The following DNAJC6 variants were observed in gnomAD, a reference collection of about 807,000 sequenced individuals.
DNAJC6 encodes the protein DnaJ heat shock protein family (Hsp40) member C6.
A neutral mutation model predicts 110.0 loss-of-function variants in DNAJC6; 34 were observed. That is an observed-to-expected ratio of 0.31 (90% CI 0.24 to 0.41). DNAJC6 has a LOEUF of 0.41. Ranked by LOEUF, DNAJC6 falls within the 10% of genes least tolerant of loss-of-function variation. DNAJC6 has a pLI of 1.00. For missense variants in DNAJC6, 1,031 were observed against 1,207.8 expected (o/e 0.85, Z 2.17); for synonymous variants, 406 against 437.2 (o/e 0.93, Z 0.89).
intron 1 of DNAJC6, among the ~76,000 whole-genome samples, chr1:65,310,323 G>A (rs1645087756): frequency 1.3e-5 from 2 of 152,196 alleles, no homozygotes; most frequent in South Asian, 4.1e-4. Context: ...CCAGCTGGAT[G>A]AGGGGGAGAG....
intron 1 of DNAJC6, among the ~76,000 whole-genome samples, chr1:65,291,093 C>T (rs889648207): frequency 9.9e-5 from 15 of 152,130 alleles, no homozygotes; most frequent in Admixed American, 9.2e-4. Context: ...GAGTGCAGGG[C>T]ACTATCTTGG....
intron 1 of DNAJC6, among the ~76,000 whole-genome samples, chr1:65,316,608 G>A (rs12068206): frequency 0.059 from 9,046 of 152,198 alleles, 321 homozygotes; most frequent in Non-Finnish European, 0.079. Context: ...AAGCATGAAT[G>A]GATTTTGAAT....
Position 65,394,968 on chromosome 1 carries a change from C to T in DNAJC6, c.1974C>T (p.Asn658=), listed in dbSNP as rs764096983. ...SGQDLLGSFL[N]TSSASSDPFL... ...AGGATTTGCTGGGTTCTTTTCTGAACACATCCAGTGCTTCCAGTGACCCCT... is the reference window on the plus strand; with the variant it reads ...AGGATTTGCTGGGTTCTTTTCTGAATACATCCAGTGCTTCCAGTGACCCCT... The change falls in exon 13 of 19, where the codon AAC becomes AAT. Residue 658 remains asparagine (N), a synonymous_variant. Transcript: ENST00000371069. The T allele has an allele frequency of 4.3e-6, 7 of 1,612,704 alleles. No homozygotes were observed. In the African/African-American group the frequency reaches 6.7e-5, roughly 15 times the overall value.
intron 15 of DNAJC6, among the ~76,000 whole-genome samples, chr1:65,403,990 A>C (rs1323773080): frequency 6.6e-6 from 1 of 152,158 alleles, no homozygotes; most frequent in South Asian, 2.1e-4. Context: ...GCTTTTCTGT[A>C]TTTACCAAAT....
chr1:65,314,435 C>A (rs973682579), intron 1 of DNAJC6, among the ~76,000 whole-genome samples: 3 of 151,840 alleles, frequency 2.0e-5, no homozygotes, highest in African/African-American at 7.3e-5. Context: ...GAATATCTGC[C>A]CATTGAAGGG....
At position 65,385,770 on chromosome 1, in the gene DNAJC6, C is replaced by A. The variant is rs960803231; in HGVS notation, c.859C>A (p.Pro287Thr). 1.2e-6 allele frequency: 2 copies of A among 1,613,854 alleles called. No individual in the cohort carries two copies. The highest frequency in any genetic ancestry group is 2.7e-5 in the African/African-American group (2 of 74,914). The change falls in exon 7 of 19, where the codon CCT becomes ACT. Residue 287 changes from proline (P) to threonine (T), a missense_variant. By Grantham distance (38) the Pro-to-Thr change is conservative. Transcript: ENST00000371069. The part of the protein sequence containing the change: ...ADKPYRPHFK[P>T]LTIKSITVSP... Reference sequence around the variant, plus strand: ...CAAGCCCTACCGCCCTCACTTCAAGCCTCTCACAATTAAGTCGATCACTGT... The same window carrying A: ...CAAGCCCTACCGCCCTCACTTCAAGACTCTCACAATTAAGTCGATCACTGT...
intron 14 of DNAJC6, 80 bp downstream of exon 14, chr1:65,398,961 A>G: frequency 7.0e-7 from 1 of 1,433,006 alleles, no homozygotes; most frequent in Non-Finnish European, 9.8e-7. Flanking sequence ...GAGTACTCAC[A>G]GAGTATTGTG....
intron 17 of DNAJC6, 60 bp from the exon 18 acceptor site, chr1:65,411,190 G>C (rs1201541961): frequency 6.5e-7 from 1 of 1,542,014 alleles, no homozygotes. Flanking sequence ...GAGTCCTAGT[G>C]GAAACCTTCT....
chr1:65,272,119 TTCTTA>T (rs1386681658), intron 1 of DNAJC6, among the ~76,000 whole-genome samples: 1 of 152,230 alleles, frequency 6.6e-6, no homozygotes, highest in African/African-American at 2.4e-5. Context: ...ATGGTGAGTA[TTCTTA>T]TCTTGTTACT....
intron 15 of DNAJC6, among the ~76,000 whole-genome samples, chr1:65,403,388 G>A (rs901744559): frequency 6.6e-6 from 1 of 152,214 alleles, no homozygotes; most frequent in African/African-American, 2.4e-5. Flanking sequence ...GTAGCTGAGT[G>A]TGGGAAGGGG....
chr1:65,265,099 A>G (rs1232722277), intron 1 of DNAJC6, among the ~76,000 whole-genome samples: 1 of 152,240 alleles, frequency 6.6e-6, no homozygotes, highest in Non-Finnish European at 1.5e-5. Flanking sequence ...TGACTTTAAA[A>G]AATGACTAGC....
intron 1 of DNAJC6, among the ~76,000 whole-genome samples, chr1:65,346,083 T>G (rs1645434575): frequency 6.6e-6 from 1 of 152,184 alleles, no homozygotes; most frequent in Non-Finnish European, 1.5e-5. Context: ...ACCTTCAGAC[T>G]GTATCTGCCT....
At chr1:65,265,802 G>A (rs545480552) in intron 1 of DNAJC6, among the ~76,000 whole-genome samples, 1 of 152,168 alleles carries the variant, frequency 6.6e-6, no homozygotes, top group Non-Finnish European at 1.5e-5. Flanking sequence ...TCGTGCTCCT[G>A]GCCCGCGTGC....
In DNAJC6 at chr1:65,347,747, G is replaced by A. The variant is rs917992585; in HGVS notation, c.194-16888G>A. Among the ~76,000 whole-genome samples, 12 of 151,260 alleles carry A rather than the reference G, an allele frequency of 7.9e-5. No individual in the cohort carries two copies. In the East Asian group the frequency reaches 1.4e-3, roughly 17 times the overall value. ...CACATGCATGTGCACACACACACAC[G>A]TGCACACATACACACACACACAAAA... On this transcript the variant is annotated intron_variant, in intron 1 of 18. Coordinates refer to ENST00000371069, the MANE Select transcript of DNAJC6 (RefSeq NM_001256864.2).
chr1:65,355,265 A>G (rs1645531255), intron 1 of DNAJC6, among the ~76,000 whole-genome samples: 1 of 17,216 alleles, frequency 5.8e-5, no homozygotes, highest in Non-Finnish European at 8.9e-5. Flanking sequence ...ACCCTGTCTC[A>G]AAAAAAAAAA....
chr1:65,303,764 G>A (rs1394921606), intron 1 of DNAJC6, among the ~76,000 whole-genome samples: 1 of 151,916 alleles, frequency 6.6e-6, no homozygotes, highest in African/African-American at 2.4e-5. Flanking sequence ...TAGTAGAGAC[G>A]GGGTTTCACC....
Position 65,384,324 on chromosome 1 carries a change from G to A in DNAJC6, c.798G>A (p.Arg266=), listed in dbSNP as rs1234886861. 1.3e-6 allele frequency: 2 copies of A among 1,553,664 alleles called. No homozygotes were observed. Among genetic ancestry groups the A allele is most frequent in the Non-Finnish European group, 1.7e-6 (2 of 1,154,144 alleles). The part of the protein sequence containing the change: ...RPGIGLSPSH[R]RYLGYMCDLL... Reference sequence around the variant, plus strand: ...GAATTGGACTTTCACCATCCCATAGGAGGTAAAGTAAGCTAGATGCAGGCT... The same window carrying A: ...GAATTGGACTTTCACCATCCCATAGAAGGTAAAGTAAGCTAGATGCAGGCT... The change falls in exon 6 of 19, where the codon AGG becomes AGA. Residue 266 remains arginine (R), a splice_region_variant and synonymous_variant. Transcript: ENST00000371069.
intron 1 of DNAJC6, among the ~76,000 whole-genome samples, chr1:65,339,187 G>GA (rs967375575): frequency 4.9e-4 from 72 of 148,408 alleles, no homozygotes; most frequent in African/African-American, 1.4e-3. Context: ...GGGTTCTTAA[G>GA]AAAAAAAAAA....
In DNAJC6 at chr1:65,415,449, A is replaced by ACACAC. The variant is rs147509741; in HGVS notation, c.*2424_*2425insCACAC. The ACACAC allele has an allele frequency of 6.9e-6, 1 of 144,422 alleles. No homozygotes were observed. The highest frequency in any genetic ancestry group is 2.6e-5 in the African/African-American group (1 of 38,928). The allele number at this position is 144,422 out of a possible 1,614,324, so 8.9% of individuals were successfully genotyped here. On this transcript the variant is annotated 3_prime_UTR_variant, in exon 19 of 19. Transcript: ENST00000371069. ...ATTTATACGTAATCACTCCTGCCCC[A>ACACAC]ACACACACACACACACACACACACA...
Sources: gnomAD v4.1 joint callset for allele counts (sites outside exome capture counted in the v4.1 genomes callset) on GRCh38, gnomAD v4.1.1 for gene constraint, MANE v1.5 for transcripts, NCBI Gene and HGNC (gene_info 2026-07-23, HGNC 2026-07-21) for gene names.